Variants in DRC8 observed in about 807,000 individuals in gnomAD.
The protein encoded by DRC8 is dynein regulatory complex subunit 8.
chr1:245,119,012 C>G, the DRC8 span, among the ~76,000 whole-genome samples: 1 of 152,096 alleles, frequency 6.6e-6, no homozygotes, highest in African/African-American at 2.4e-5. Context: ...TGGGCATTGT[C>G]TGGTTGCTGG....
the DRC8 span, among the ~76,000 whole-genome samples, chr1:245,119,556 T>G: frequency 6.6e-6 from 1 of 151,236 alleles, no homozygotes; most frequent in Non-Finnish European, 1.5e-5. Flanking sequence ...CCCAGCTACA[T>G]GGGAGGCTAA....
the DRC8 span, among the ~76,000 whole-genome samples, chr1:245,107,666 G>A: frequency 6.6e-6 from 1 of 152,102 alleles, no homozygotes; most frequent in Non-Finnish European, 1.5e-5. Flanking sequence ...CCTCCTCCAC[G>A]CTGCCCTCTC....
the DRC8 span, among the ~76,000 whole-genome samples, chr1:244,999,373 C>T: frequency 6.6e-6 from 1 of 152,144 alleles, no homozygotes; most frequent in Admixed American, 6.6e-5. Context: ...TCAACATTGT[C>T]TTTTCCTGTT....
chr1:245,020,794 A>AT, the DRC8 span, among the ~76,000 whole-genome samples: 296 of 125,934 alleles, frequency 2.4e-3, no homozygotes, highest in South Asian at 0.015. Flanking sequence ...TAATTTTCGT[A>AT]TTTTTTTTTT....
At chr1:245,046,160 TTTTG>T in the DRC8 span, among the ~76,000 whole-genome samples, 1 of 152,194 alleles carries the variant, frequency 6.6e-6, no homozygotes, top group East Asian at 1.9e-4. Context: ...TATGTTATAT[TTTTG>T]TTTCATTTTC....
chr1:245,058,618 T>C, the DRC8 span, among the ~76,000 whole-genome samples: 3 of 152,236 alleles, frequency 2.0e-5, no homozygotes, highest in Admixed American at 6.5e-5. Context: ...AACTTTAATT[T>C]TGATAATTTT....
chr1:244,995,861 T>C, the DRC8 span, among the ~76,000 whole-genome samples: 1 of 152,242 alleles, frequency 6.6e-6, no homozygotes, highest in Non-Finnish European at 1.5e-5. Context: ...AGCTCTAACC[T>C]AGAGCCTACG....
At chr1:245,044,382 G>A in the DRC8 span, among the ~76,000 whole-genome samples, 1 of 152,118 alleles carries the variant, frequency 6.6e-6, no homozygotes, top group Non-Finnish European at 1.5e-5. Flanking sequence ...TATGCAAAAC[G>A]AGTTTATATG....
chr1:245,114,818 T>C, the DRC8 span, among the ~76,000 whole-genome samples: 4 of 152,102 alleles, frequency 2.6e-5, no homozygotes, highest in Non-Finnish European at 4.4e-5. Context: ...CTCTGCCTTC[T>C]GGGTTTAAGC....
At chr1:245,100,884 TTTTG>T in the DRC8 span, among the ~76,000 whole-genome samples, 2 of 151,966 alleles carry the variant, frequency 1.3e-5, no homozygotes, top group Non-Finnish European at 2.9e-5. Context: ...AACATGGGTT[TTTTG>T]TTTGTTTGTT....
At chr1:245,119,274 G>A in the DRC8 span, among the ~76,000 whole-genome samples, 5 of 151,426 alleles carry the variant, frequency 3.3e-5, no homozygotes, top group African/African-American at 1.2e-4. Flanking sequence ...AATATGAAGT[G>A]AAATGCAACA....
the DRC8 span, among the ~76,000 whole-genome samples, chr1:245,109,804 G>A: frequency 4.0e-3 from 612 of 152,326 alleles, 1 homozygote; most frequent in Non-Finnish European, 7.1e-3. Flanking sequence ...AAGCCTGTGC[G>A]AGGCACTAAC....
At chr1:245,094,318 C>G in the DRC8 span, among the ~76,000 whole-genome samples, 1 of 152,220 alleles carries the variant, frequency 6.6e-6, no homozygotes, top group Admixed American at 6.5e-5. Context: ...ATCTTCAATT[C>G]GAGGTTACTT....
chr1:245,022,153 T>G, the DRC8 span, among the ~76,000 whole-genome samples: 1 of 151,854 alleles, frequency 6.6e-6, no homozygotes, highest in African/African-American at 2.4e-5. Flanking sequence ...CACAGACTTT[T>G]TTTTTTTTTT....
the DRC8 span, among the ~76,000 whole-genome samples, chr1:245,018,632 C>T: frequency 1.3e-5 from 2 of 152,078 alleles, no homozygotes; most frequent in Non-Finnish European, 2.9e-5. Flanking sequence ...TCAGACCTCT[C>T]CTTGAAGGGT....
At chr1:244,970,614 C>G in the DRC8 span, 1 of 728,102 alleles carries the variant, frequency 1.4e-6, no homozygotes, top group African/African-American at 2.1e-5. Flanking sequence ...TGCCCCCGTC[C>G]CCGTAGCCCG....
chr1:245,090,060 A>G, the DRC8 span, among the ~76,000 whole-genome samples: 1 of 152,216 alleles, frequency 6.6e-6, no homozygotes, highest in Non-Finnish European at 1.5e-5. Context: ...TGTGCTCAGG[A>G]GCAAAAAAGA....
At chr1:245,008,531 TCAATTTTTGATCATTTACTAC>T in the DRC8 span, among the ~76,000 whole-genome samples, 4 of 152,152 alleles carry the variant, frequency 2.6e-5, no homozygotes, top group Admixed American at 2.6e-4. Context: ...TATGAGCTCT[TCAATTTTTGATCATTTACTAC>T]CAATGAGTAA....
chr1:245,116,778 A>G, the DRC8 span, among the ~76,000 whole-genome samples: 1 of 152,340 alleles, frequency 6.6e-6, no homozygotes, highest in African/African-American at 2.4e-5. Flanking sequence ...TATTTTATCA[A>G]CTAAATACAC....
Sources: gnomAD v4.1 joint callset for allele counts (sites outside exome capture counted in the v4.1 genomes callset) on GRCh38, gnomAD v4.1.1 for gene constraint, MANE v1.5 for transcripts, NCBI Gene and HGNC (gene_info 2026-07-23, HGNC 2026-07-21) for gene names.